PLG: variants seen among roughly 807,000 people sequenced by gnomAD.
The protein encoded by PLG is plasminogen, also known as plasmin.
A neutral mutation model predicts 104.4 loss-of-function variants in PLG; 41 were observed. The ratio of observed to expected loss-of-function variants is 0.39; its 90% CI spans 0.31 to 0.51. The LOEUF (loss-of-function observed/expected upper bound fraction) is 0.51, where lower values mean the gene tolerates loss of function less well. PLG is among the 20% of genes least tolerant of loss of function. The pLI is 0.76. For missense variants in PLG, 891 were observed against 1,003.6 expected (o/e 0.89, Z 1.52); for synonymous variants, 337 against 357.1 (o/e 0.94, Z 0.63).
Position 160,753,345 on chromosome 6 carries a change from AT to A in PLG, c.*289del, listed in dbSNP as rs4252177. On this transcript the variant is annotated 3_prime_UTR_variant, in exon 19 of 19. Transcript: ENST00000308192. This position sits in a 1 kb window ranked among gnomAD's most constrained non-coding sequence, Gnocchi z 5.4. ...TTCATGCTCTTTGTTCACCCCACCA[AT>A]TTTTAAATGGGCAGATGGGGGGATT... 256,328 of 445,558 alleles carry A rather than the reference AT, an allele frequency of 0.58. 77,190 individuals are homozygous for A. Among genetic ancestry groups the A allele is most frequent in the East Asian group, 0.98 (20,733 of 21,090 alleles). The allele number at this position is 445,558 out of a possible 1,614,324, so 27.6% of individuals were successfully genotyped here.
chr6:160,716,131 C>T (rs575549024), intron 6 of PLG, among the ~76,000 whole-genome samples: 2 of 152,218 alleles, frequency 1.3e-5, no homozygotes. Context: ...CATTTCTTGG[C>T]TCTGTTAGGT....
Position 160,738,476 on chromosome 6 carries a change from T to C in PLG, c.1803-62T>C. ...AAGTGAACGTGTCTTTCTGGCTTTC[T>C]GTACAATGGAGCAGAACAAAGTATC... On this transcript the variant is annotated intron_variant, in intron 14 of 18. Coordinates refer to ENST00000308192, the MANE Select transcript of PLG (RefSeq NM_000301.5). This position sits in a 1 kb window ranked among gnomAD's most constrained non-coding sequence, Gnocchi z 6.8. 4 of 1,011,242 alleles carry C rather than the reference T, an allele frequency of 4.0e-6. No individual in the cohort carries two copies. Among genetic ancestry groups the C allele is most frequent in the Non-Finnish European group, 4.8e-6 (3 of 629,198 alleles). The allele number at this position is 1,011,242 out of a possible 1,614,324, so 62.6% of individuals were successfully genotyped here. A position where few individuals can be genotyped will look rare whatever the true frequency, so the allele number is the denominator to read the frequency against.
rs968810430 is a variant in PLG at position 160,735,870 on chromosome 6, T to A, written c.1682-1017T>A. Among the ~76,000 whole-genome samples the A allele has an allele frequency of 2.6e-5, 4 of 152,266 alleles. No homozygotes were observed. Among genetic ancestry groups the A allele is most frequent in the African/African-American group, 9.6e-5 (4 of 41,544 alleles). ...TTGAGCTCAGCACTAGAGAAGATGA[T>A]TGCATTCTATGCCTTGCTTCTTTTT... On this transcript the variant is annotated intron_variant, in intron 13 of 18. Coordinates refer to ENST00000308192, the MANE Select transcript of PLG (RefSeq NM_000301.5). The surrounding 1 kb of genome is among the most constrained non-coding windows in gnomAD (Gnocchi z 5.4).
intron 3 of PLG, 52 bp downstream of exon 3, chr6:160,707,858 C>G (rs1412935837): frequency 1.7e-6 from 2 of 1,174,748 alleles, no homozygotes; most frequent in Non-Finnish European, 2.6e-6. Flanking sequence ...TCCTCCCACT[C>G]TTCCTCTTTC....
intron 17 of PLG, among the ~76,000 whole-genome samples, chr6:160,742,610 T>A (rs1361900569): frequency 6.6e-6 from 1 of 152,172 alleles, no homozygotes; most frequent in Non-Finnish European, 1.5e-5. Flanking sequence ...TTCCCTTTAC[T>A]CCCTTGAGAG....
At position 160,722,523 on chromosome 6, in the gene PLG, G is replaced by A. The variant is rs758508931; in HGVS notation, c.1212G>A (p.Met404Ile). Residue 404 changes from methionine (M) to isoleucine (I), a missense_variant, in exon 10 of 19, where the codon ATG becomes ATA. Coordinates refer to ENST00000308192, the MANE Select transcript of PLG (RefSeq NM_000301.5). ...AGAAGTGTCAGTCTTGGTCATCTAT[G>A]ACACCACACCGGCACCAGAAGACCC... ...TGKKCQSWSS[M>I]TPHRHQKTPE... is the part of the protein sequence containing the mutation. 84 of 1,613,958 alleles carry A rather than the reference G, an allele frequency of 5.2e-5. 2 individuals are homozygous for A. The South Asian group carries it at 8.8e-4, about 17-fold the overall frequency.
rs553017249 is a variant in PLG, at chr6:160,719,301, G to A, written c.1096+463G>A. Among the ~76,000 whole-genome samples the A allele has an allele frequency of 5.2e-4, 79 of 152,298 alleles. 1 individual carries two copies. Among genetic ancestry groups the A allele is most frequent in the African/African-American group, 1.7e-3 (71 of 41,566 alleles). On this transcript the variant is annotated intron_variant, in intron 9 of 18. Coordinates refer to ENST00000308192, the MANE Select transcript of PLG (RefSeq NM_000301.5). The surrounding 1 kb of genome is among the most constrained non-coding windows in gnomAD (Gnocchi z 4.1). ...GTATTTAGGATGGTTATGTCTTCTA[G>A]ATGAAAGGACCCCTTTATCTTTATG...
At chr6:160,704,196 T>G (rs1415033726) in intron 1 of PLG, among the ~76,000 whole-genome samples, 1 of 152,192 alleles carries the variant, frequency 6.6e-6, no homozygotes, top group Non-Finnish European at 1.5e-5. Flanking sequence ...CAAATCCTAT[T>G]GCCATATGAG....
rs2115169553 is a variant in PLG at position 160,725,799 on chromosome 6, G to A, written c.1256+3232G>A. 6.6e-6 allele frequency among the ~76,000 whole-genome samples: 1 copy of A among 152,218 alleles called. No homozygotes were observed. The highest frequency in any genetic ancestry group is 1.9e-4 in the East Asian group (1 of 5,184). On this transcript the variant is annotated intron_variant, in intron 10 of 18. Coordinates refer to ENST00000308192, the MANE Select transcript of PLG (RefSeq NM_000301.5). The surrounding 1 kb of genome is among the most constrained non-coding windows in gnomAD (Gnocchi z 6.3). ...TCATGAAAATAAGAATCAGAAGAAA[G>A]CTGGAGTGGTAATGTTAATCCCAAA...
At chr6:160,703,470 T>C (rs375057683) in intron 1 of PLG, among the ~76,000 whole-genome samples, 3 of 152,334 alleles carry the variant, frequency 2.0e-5, no homozygotes, top group African/African-American at 7.2e-5. Flanking sequence ...ACTAATCTAC[T>C]TTCTGTATTT....
intron 9 of PLG, 80 bp downstream of exon 9, chr6:160,718,918 C>T: frequency 8.1e-7 from 1 of 1,231,514 alleles, no homozygotes; most frequent in Non-Finnish European, 1.2e-6. Flanking sequence ...TCACAATATA[C>T]AGTAGCTTTG....
rs1778016931 is a variant in PLG at position 160,732,512 on chromosome 6, A to T, written c.1587+619A>T. ...TCCTACAATGTAACTCAGTGCTGAC[A>T]CTCTATCTGGAGACAGTGTCAGATC... is the stretch of plus-strand genomic sequence containing the variant. On this transcript the variant is annotated intron_variant, in intron 12 of 18. Transcript: ENST00000308192. The surrounding 1 kb of genome is among the most constrained non-coding windows in gnomAD (Gnocchi z 4.5). Among the ~76,000 whole-genome samples the T allele has an allele frequency of 6.6e-6, 1 of 151,982 alleles. No individual in the cohort carries two copies. The highest frequency in any genetic ancestry group is 1.5e-5 in the Non-Finnish European group (1 of 68,022).
Position 160,753,362 on chromosome 6 carries a change from T to A in PLG, c.*301T>A. ...CCCCACCAATTTTTAAATGGGCAGA[T>A]GGGGGGATTTAGCTGCTTTTGATAA... On this transcript the variant is annotated 3_prime_UTR_variant, in exon 19 of 19. Coordinates refer to ENST00000308192, the MANE Select transcript of PLG (RefSeq NM_000301.5). The surrounding 1 kb of genome is among the most constrained non-coding windows in gnomAD (Gnocchi z 5.4). 1 of 426,666 alleles carries A rather than the reference T, an allele frequency of 2.3e-6. No individual in the cohort carries two copies. The allele number at this position is 426,666 out of a possible 1,614,324, so 26.4% of individuals were successfully genotyped here. A position where few individuals can be genotyped will look rare whatever the true frequency, so the allele number is the denominator to read the frequency against.
At chr6:160,706,362 A>T (rs1777523006) in intron 1 of PLG, 45 bp from the exon 2 acceptor site, 3 of 1,609,836 alleles carry the variant, frequency 1.9e-6, no homozygotes, top group African/African-American at 1.3e-5. Context: ...AGACATTGAC[A>T]TTGATTTACT....
In PLG at chr6:160,722,344, A is replaced by G. The variant is rs4252117; in HGVS notation, c.1097-64A>G. The G allele has an allele frequency of 0.25, 297,608 of 1,210,450 alleles. 41,226 individuals carry two copies. The highest frequency in any genetic ancestry group is 0.29 in the Non-Finnish European group (235,520 of 812,364). The allele number at this position is 1,210,450 out of a possible 1,614,324, so 75.0% of individuals were successfully genotyped here. ...AGGCTACCGTACTGTTTTTGTCATA[A>G]ATTGCTTCATGCTTCTTTTTTTTCA... On this transcript the variant is annotated intron_variant, in intron 9 of 18. Transcript: ENST00000308192.
intron 5 of PLG, among the ~76,000 whole-genome samples, chr6:160,714,446 G>A (rs1018019967): frequency 5.3e-5 from 8 of 150,478 alleles, no homozygotes; most frequent in African/African-American, 9.7e-5. Context: ...AATGGAGAAC[G>A]TAGACTCCTG....
rs1268450734 is a variant in PLG, at chr6:160,713,088, A to G, written c.510A>G (p.Glu170=). 6.2e-6 allele frequency: 10 copies of G among 1,610,654 alleles called. No individual in the cohort carries two copies. The highest frequency in any genetic ancestry group is 7.6e-6 in the Non-Finnish European group (9 of 1,178,610). The part of the protein sequence containing the change: ...QGPWCYTTDP[E]KRYDYCDILE... Reference sequence around the variant, plus strand: ...CCTGGTGCTATACTACTGATCCAGAAAAGAGATATGACTACTGCGACATTC... The same window carrying G: ...CCTGGTGCTATACTACTGATCCAGAGAAGAGATATGACTACTGCGACATTC... The change falls in exon 5 of 19, where the codon GAA becomes GAG. Residue 170 remains glutamate, a synonymous_variant. Transcript: ENST00000308192.
In PLG at chr6:160,753,333, T is replaced by C. The variant is rs1305398620; in HGVS notation, c.*272T>C. 2.3e-6 allele frequency: 1 copy of C among 443,502 alleles called. No individual in the cohort carries two copies. The highest frequency in any genetic ancestry group is 4.0e-6 in the Non-Finnish European group (1 of 250,284). 27.5% of individuals were successfully genotyped at this position (443,502 alleles called of 1,614,324 possible). A position where few individuals can be genotyped will look rare whatever the true frequency, so the allele number is the denominator to read the frequency against. ...GTCTTCAACATTTTCATGCTCTTTG[T>C]TCACCCCACCAATTTTTAAATGGGC... On this transcript the variant is annotated 3_prime_UTR_variant, in exon 19 of 19. Transcript: ENST00000308192. This position sits in a 1 kb window ranked among gnomAD's most constrained non-coding sequence, Gnocchi z 5.4.
intron 17 of PLG, among the ~76,000 whole-genome samples, chr6:160,742,511 G>A (rs1179819039): frequency 1.3e-5 from 2 of 150,398 alleles, no homozygotes; most frequent in South Asian, 2.1e-4. Flanking sequence ...TTTTTTTCTT[G>A]TAAATTTGTT....
Sources: allele counts gnomAD v4.1 joint callset (sites outside exome capture counted in the v4.1 genomes callset), GRCh38; gene constraint gnomAD v4.1.1; non-coding constraint Gnocchi (gnomAD v3.1); transcripts MANE v1.5; gene names NCBI Gene and HGNC (gene_info 2026-07-23, HGNC 2026-07-21).